The following ZSCAN31 variants were observed in gnomAD, a reference collection of about 807,000 sequenced individuals.
ZSCAN31 encodes the protein zinc finger and SCAN domain-containing protein 31.
Under a neutral mutation model 22.5 loss-of-function variants are expected in ZSCAN31, and 14 were observed. That is an observed-to-expected ratio of 0.62 (90% CI 0.41 to 0.97). ZSCAN31 has a LOEUF of 0.97. ZSCAN31 is among the 50% of genes least tolerant of loss of function. ZSCAN31 has a pLI of 0.00. For synonymous variants in ZSCAN31, 168 were observed against 169.8 expected (o/e 0.99, Z 0.08); for missense variants, 424 against 483.4 (o/e 0.88, Z 1.15).
In ZSCAN31 at chr6:28,327,329, C is replaced by A; in HGVS notation, c.532+54G>T. 3 of 1,594,938 alleles carry A rather than the reference C, an allele frequency of 1.9e-6. No homozygotes were observed. The Admixed American group carries it at 5.2e-5, about 27-fold the overall frequency. On this transcript the variant is annotated intron_variant, in intron 3 of 3. Transcript: ENST00000344279. ...CCCCAGAGTCCACAGTCTTAACTAT[C>A]GCCCTATATAGACCCACCAGAGATC...
chr6:28,339,902 GTAT>G, upstream of ZSCAN31, among the ~76,000 whole-genome samples: 1 of 148,642 alleles, frequency 6.7e-6, no homozygotes, highest in Non-Finnish European at 1.5e-5. Context: ...ACATTGCTAG[GTAT>G]CATTCCAGGC....
rs1037616675 is a variant in ZSCAN31 at position 28,329,769 on chromosome 6, G to A, written c.-86C>T. On this transcript the variant is annotated 5_prime_UTR_variant, in exon 2 of 4. Coordinates refer to ENST00000344279, the MANE Select transcript of ZSCAN31 (RefSeq NM_030899.5). ...AATTTTCTGATTTAATCTTCCTTAG[G>A]AGAAGACACCTGATGATAGAGCATT... The A allele has an allele frequency of 8.8e-6, 13 of 1,472,350 alleles. No homozygotes were observed. Among genetic ancestry groups the A allele is most frequent in the Non-Finnish European group, 1.2e-5 (13 of 1,098,920 alleles). 91.2% of individuals were successfully genotyped at this position (1,472,350 alleles called of 1,614,324 possible).
chr6:28,355,562 A>C (rs1213736684), upstream of ZSCAN31: 1 of 152,182 alleles, frequency 6.6e-6, no homozygotes, highest in Non-Finnish European at 1.5e-5. Flanking sequence ...GGGTGCCCCG[A>C]TCAGCTACCC....
intron 2 of ZSCAN31, among the ~76,000 whole-genome samples, chr6:28,344,772 G>A (rs184338443): frequency 1.3e-5 from 2 of 152,186 alleles, no homozygotes; most frequent in African/African-American, 2.4e-5. Flanking sequence ...GTGGCTACAG[G>A]TAAAAATATA....
chr6:28,334,379 G>A (rs1476157337), intron 1 of ZSCAN31, among the ~76,000 whole-genome samples: 2 of 146,342 alleles, frequency 1.4e-5, no homozygotes, highest in Non-Finnish European at 3.0e-5. Flanking sequence ...AGAATTTGAT[G>A]TGTCCCCACT....
At chr6:28,335,952 G>A (rs1465996346) in intron 1 of ZSCAN31, 130 bp downstream of exon 1, 2 of 152,330 alleles carry the variant, frequency 1.3e-5, no homozygotes, top group Non-Finnish European at 2.9e-5. Flanking sequence ...ACTCCACGGG[G>A]GCTTCAGGCC....
chr6:28,355,299 G>A (rs1204431975), upstream of ZSCAN31: 2 of 152,154 alleles, frequency 1.3e-5, no homozygotes, highest in Non-Finnish European at 2.9e-5. Flanking sequence ...CAGTGTGTGG[G>A]TTGTTACCCA....
intron 2 of ZSCAN31, among the ~76,000 whole-genome samples, chr6:28,344,551 G>A (rs1581698918): frequency 2.6e-5 from 4 of 152,282 alleles, no homozygotes; most frequent in Admixed American, 2.6e-4. Context: ...GATTGGTGGA[G>A]GTTCCTTATG....
rs774314598 is a variant in ZSCAN31, at chr6:28,326,753, A to G, written c.634T>C (p.Leu212=). Residue 212 remains leucine (L), a synonymous_variant, in exon 4 of 4, where the codon TTG becomes CTG. Coordinates refer to ENST00000344279, the MANE Select transcript of ZSCAN31 (RefSeq NM_030899.5). ...CAAGTTTCTCTGTACTTAGAATCCA[A>G]AGATACATCTCTTTGGAGTTTGCTA... ...GDSKLQRDVS[L]DSKYRETCKR... is the part of the protein sequence containing the mutation. 1.2e-6 allele frequency: 2 copies of G among 1,614,000 alleles called. No individual in the cohort carries two copies. Among genetic ancestry groups the G allele is most frequent in the Non-Finnish European group, 1.7e-6 (2 of 1,180,030 alleles).
At chr6:28,327,574 T>C in intron 2 of ZSCAN31, 41 bp from the exon 3 acceptor site, 4 of 1,597,038 alleles carry the variant, frequency 2.5e-6, no homozygotes, top group Non-Finnish European at 3.4e-6. Context: ...AGGGGGATTA[T>C]AGGAGTACAA....
rs149363015 is a variant in ZSCAN31 at position 28,329,372 on chromosome 6, C to T, written c.312G>A (p.Pro104=). The T allele has an allele frequency of 3.3e-5, 53 of 1,613,710 alleles. No individual in the cohort carries two copies. Among genetic ancestry groups the T allele is most frequent in the African/African-American group, 2.8e-4 (21 of 74,912 alleles). The change falls in exon 2 of 4, where the codon CCG becomes CCA. Residue 104 remains proline, a synonymous_variant. Coordinates refer to ENST00000344279, the MANE Select transcript of ZSCAN31 (RefSeq NM_030899.5). ...CAGCCACAGCCTCCTCCCCACTCTC[C>T]GGATGGTGCTCCCGCACCCAGGCCT... is the stretch of plus-strand genomic sequence containing the variant. The part of the protein sequence containing the change: ...ELQAWVREHH[P]ESGEEAVAVV...
chr6:28,353,874 A>C (rs752403128), exon 2 of ZSCAN31: 51 of 456,604 alleles, frequency 1.1e-4, no homozygotes, highest in South Asian at 7.4e-4. Flanking sequence ...CTGTCATGCC[A>C]AGTGTCAGGT....
At position 28,326,488 on chromosome 6, in the gene ZSCAN31, C is replaced by T; in HGVS notation, c.899G>A (p.Cys300Tyr). Residue 300 changes from cysteine (C) to tyrosine (Y), a missense_variant, in exon 4 of 4, where the codon TGT (cysteine) becomes TAT (tyrosine). Transcript: ENST00000344279. Reference sequence around the variant, plus strand: ...ATTGCTGGCACTGAAGGCTTTCCCACACTCCTTACATTGATAGGGTTTCTC... The same window carrying T: ...ATTGCTGGCACTGAAGGCTTTCCCATACTCCTTACATTGATAGGGTTTCTC... ...TGEKPYQCKE[C>Y]GKAFSASNGL... is the part of the protein sequence containing the mutation. 1 of 1,614,258 alleles carries T rather than the reference C, an allele frequency of 6.2e-7. No homozygotes were observed. The highest frequency in any genetic ancestry group is 8.5e-7 in the Non-Finnish European group (1 of 1,180,052).
intron 2 of ZSCAN31, among the ~76,000 whole-genome samples, chr6:28,350,983 T>C (rs1020606092): frequency 1.3e-5 from 2 of 152,210 alleles, no homozygotes; most frequent in African/African-American, 4.8e-5. Context: ...TCCTGCTTAG[T>C]GCTGGAGATC....
At position 28,329,438 on chromosome 6, in the gene ZSCAN31, C is replaced by T. The variant is rs781148834; in HGVS notation, c.246G>A (p.Leu82=). 2 of 1,614,220 alleles carry T rather than the reference C, an allele frequency of 1.2e-6. No homozygotes were observed. The highest frequency in any genetic ancestry group is 1.7e-5 in the Admixed American group (1 of 60,030). Residue 82 remains leucine (L), a synonymous_variant, in exon 2 of 4, where the codon CTG becomes CTA. Transcript: ENST00000344279. ...GGATAGTCAGGAATTGCTCCAGCAC[C>T]AGCAGCTCCAAGATTTGCTCTTTGG... ...IHTKEQILEL[L]VLEQFLTILP... is the part of the protein sequence containing the mutation.
rs1051995672 is a variant in ZSCAN31, at chr6:28,341,304, T to A, written c.-324+442A>T. On this transcript the variant is annotated intron_variant, in intron 3 of 7. Coordinates refer to the ZSCAN31 transcript ENST00000396838. ...TTTATAAACAATAGAAATTCGTTGC[T>A]CACAGTCCTGAAGGCTGAGAAGTCC... Among the ~76,000 whole-genome samples, 26 of 152,190 alleles carry A rather than the reference T, an allele frequency of 1.7e-4. 1 individual carries two copies. Among genetic ancestry groups the A allele is most frequent in the African/African-American group, 6.3e-4 (26 of 41,444 alleles).
chr6:28,339,849 A>AT (rs1261819654), upstream of ZSCAN31, among the ~76,000 whole-genome samples: 3 of 151,962 alleles, frequency 2.0e-5, no homozygotes, highest in Non-Finnish European at 4.4e-5. Flanking sequence ...TAAAATATCC[A>AT]TTTTTTCCCC....
chr6:28,329,279 AG>A, intron 2 of ZSCAN31, 23 bp downstream of exon 2: 2 of 1,544,602 alleles, frequency 1.3e-6, no homozygotes, highest in Non-Finnish European at 1.7e-6. Flanking sequence ...TTTAATGTCT[AG>A]AAGTCCATCT....
At chr6:28,350,940 A>T (rs972525851) in intron 2 of ZSCAN31, among the ~76,000 whole-genome samples, 1 of 152,168 alleles carries the variant, frequency 6.6e-6, no homozygotes, top group African/African-American at 2.4e-5. Context: ...GTGAAAAAGG[A>T]CTAGGACCCC....
Sources: allele counts gnomAD v4.1 joint callset (sites outside exome capture counted in the v4.1 genomes callset), GRCh38; gene constraint gnomAD v4.1.1; transcripts MANE v1.5; gene names NCBI Gene and HGNC (gene_info 2026-07-23, HGNC 2026-07-21).